SH3RF1: variants seen among roughly 807,000 people sequenced by gnomAD.
The protein encoded by SH3RF1 is SH3 domain containing ring finger 1.
Under a neutral mutation model 74.0 loss-of-function variants are expected in SH3RF1, and 32 were observed. The observed-to-expected ratio is 0.43, with a 90% CI of 0.33 to 0.58. The LOEUF is 0.58. Ranked by LOEUF, SH3RF1 falls within the 20% of genes least tolerant of loss-of-function variation. The pLI, the probability that SH3RF1 is intolerant of heterozygous loss-of-function variation, is 0.05. For synonymous variants in SH3RF1, 396 were observed against 439.6 expected (o/e 0.90, Z 1.24); for missense variants, 954 against 1,130.9 (o/e 0.84, Z 2.24).
rs1455163682 is a variant in SH3RF1, at chr4:169,215,478, T to C, written c.393+53342A>G. ...GCCTCATACAGTAAGTTACAAAGTA[T>C]TCCCTCTGCATCTATCTTCTGAAAG... On this transcript the variant is annotated intron_variant, in intron 2 of 11. Coordinates refer to ENST00000284637, the MANE Select transcript of SH3RF1 (RefSeq NM_020870.4). Among the ~76,000 whole-genome samples the C allele has an allele frequency of 2.6e-5, 4 of 152,344 alleles. No individual in the cohort carries two copies. In the East Asian group the frequency reaches 7.7e-4, roughly 29 times the overall value.
rs576960063 is a variant in SH3RF1 at position 169,095,560 on chromosome 4, T to G, written c.*959A>C. ...TTTGACTTAACACGAGTGCATCACT[T>G]ACCACCACTATCTCACAAATGTTTT... On this transcript the variant is annotated 3_prime_UTR_variant, in exon 12 of 12. Coordinates refer to ENST00000284637, the MANE Select transcript of SH3RF1 (RefSeq NM_020870.4). 1.3e-5 allele frequency: 2 copies of G among 152,732 alleles called. No homozygotes were observed. The highest frequency in any genetic ancestry group is 4.1e-4 in the South Asian group (2 of 4,824). 9.5% of individuals were successfully genotyped at this position (152,732 alleles called of 1,614,324 possible).
chr4:169,188,852 C>G (rs1734653574), intron 2 of SH3RF1, among the ~76,000 whole-genome samples: 1 of 152,194 alleles, frequency 6.6e-6, no homozygotes, highest in South Asian at 2.1e-4. Flanking sequence ...AACACATGCT[C>G]TTCTCTTCTA....
intron 4 of SH3RF1, among the ~76,000 whole-genome samples, chr4:169,153,465 G>C (rs1734004130): frequency 6.6e-6 from 1 of 152,158 alleles, no homozygotes. Flanking sequence ...ATATGAATAG[G>C]TTTACAGAGC....
chr4:169,135,845 T>C lies in SH3RF1; in HGVS notation c.1068+473A>G, dbSNP rs182797249. 8.5e-5 allele frequency among the ~76,000 whole-genome samples: 13 copies of C among 152,348 alleles called. No individual in the cohort carries two copies. The East Asian group carries it at 2.5e-3, about 29-fold the overall frequency. On this transcript the variant is annotated intron_variant, in intron 5 of 11. Transcript: ENST00000284637. ...ATTTCTAATTTAAATTAAATGCTTC[T>C]TTCTGTCCTTGCTCTTTTTCTCTTC...
At chr4:169,134,221 G>A (rs571487505) in intron 5 of SH3RF1, among the ~76,000 whole-genome samples, 1 of 152,290 alleles carries the variant, frequency 6.6e-6, no homozygotes, top group South Asian at 2.1e-4. Flanking sequence ...AAGGAGGGGT[G>A]GAATGGTTGA....
intron 2 of SH3RF1, among the ~76,000 whole-genome samples, chr4:169,193,526 A>C (rs776412061): frequency 3.9e-5 from 6 of 152,192 alleles, no homozygotes; most frequent in Non-Finnish European, 7.3e-5. Context: ...ACAGATATTA[A>C]GTCTGCAAGT....
chr4:169,229,250 T>C (rs1176146249), intron 2 of SH3RF1, among the ~76,000 whole-genome samples: 15 of 152,218 alleles, frequency 9.9e-5, no homozygotes, highest in Admixed American at 9.8e-4. Context: ...AATTAACATT[T>C]GAATTTAATT....
At chr4:169,262,469 C>T (rs571120387) in intron 2 of SH3RF1, among the ~76,000 whole-genome samples, 2 of 152,232 alleles carry the variant, frequency 1.3e-5, no homozygotes, top group East Asian at 3.9e-4. Flanking sequence ...GAGTTGGAGA[C>T]CAGCCTGGCC....
chr4:169,209,585 T>A (rs1449154477), intron 2 of SH3RF1, among the ~76,000 whole-genome samples: 2 of 152,158 alleles, frequency 1.3e-5, no homozygotes. Context: ...CATTAGCTCA[T>A]GGTGAGAGTC....
chr4:169,160,835 A>G (rs1734139125), intron 2 of SH3RF1, among the ~76,000 whole-genome samples: 1 of 152,262 alleles, frequency 6.6e-6, no homozygotes, highest in Non-Finnish European at 1.5e-5. Flanking sequence ...GCAATAAAAG[A>G]ACACATTTTC....
intron 2 of SH3RF1, among the ~76,000 whole-genome samples, chr4:169,194,086 T>G (rs1448381515): frequency 1.3e-5 from 2 of 151,922 alleles, no homozygotes; most frequent in Non-Finnish European, 2.9e-5. Context: ...CATCCCAACA[T>G]TTTTTTTAGA....
At chr4:169,137,868 G>T (rs1579101421) in intron 4 of SH3RF1, among the ~76,000 whole-genome samples, 2 of 152,180 alleles carry the variant, frequency 1.3e-5, no homozygotes, top group East Asian at 3.9e-4. Context: ...GGCTCCTTGG[G>T]GACTCAAATT....
chr4:169,158,972 T>C (rs186653769), intron 2 of SH3RF1, among the ~76,000 whole-genome samples: 81 of 152,336 alleles, frequency 5.3e-4, no homozygotes, highest in African/African-American at 1.7e-3. Context: ...GTTGGTTAAT[T>C]AGAACTTCCC....
intron 10 of SH3RF1, among the ~76,000 whole-genome samples, chr4:169,114,579 G>A (rs1733300993): frequency 6.6e-6 from 1 of 152,120 alleles, no homozygotes; most frequent in Non-Finnish European, 1.5e-5. Context: ...ACATTGGAAG[G>A]GCCCAGCTGA....
At chr4:169,131,339 G>A (rs1232538706) in intron 5 of SH3RF1, among the ~76,000 whole-genome samples, 1 of 152,162 alleles carries the variant, frequency 6.6e-6, no homozygotes, top group Admixed American at 6.5e-5. Flanking sequence ...GCACTAAAAA[G>A]AGTTTCTCCC....
At chr4:169,180,530 G>A (rs371569802) in intron 2 of SH3RF1, among the ~76,000 whole-genome samples, 5 of 152,212 alleles carry the variant, frequency 3.3e-5, no homozygotes, top group African/African-American at 7.2e-5. Flanking sequence ...AGAGATGGCC[G>A]TTTAGTATGC....
At chr4:169,226,205 T>A (rs1298642907) in intron 2 of SH3RF1, among the ~76,000 whole-genome samples, 2 of 152,214 alleles carry the variant, frequency 1.3e-5, no homozygotes, top group East Asian at 3.8e-4. Flanking sequence ...CTTTGGTAAG[T>A]GAATGAAGAA....
chr4:169,106,483 C>G (rs865898073), intron 11 of SH3RF1, among the ~76,000 whole-genome samples: 26 of 137,550 alleles, frequency 1.9e-4, no homozygotes, highest in Non-Finnish European at 3.1e-4. Flanking sequence ...ATAAAAAAGG[C>G]AAAAAATTAA....
chr4:169,213,513 A>G (rs1042882909), intron 2 of SH3RF1, among the ~76,000 whole-genome samples: 29 of 152,294 alleles, frequency 1.9e-4, no homozygotes, highest in Admixed American at 1.6e-3. Context: ...TTTGCAGAGC[A>G]GAGTTTTTAA....
Sources: gnomAD v4.1 joint callset for allele counts (sites outside exome capture counted in the v4.1 genomes callset) on GRCh38, gnomAD v4.1.1 for gene constraint, MANE v1.5 for transcripts, NCBI Gene and HGNC (gene_info 2026-07-23, HGNC 2026-07-21) for gene names.